The following MANBAL variants were observed in gnomAD, a reference collection of about 807,000 sequenced individuals.
MANBAL encodes protein MANBAL.
Under a neutral mutation model 6.4 loss-of-function variants are expected in MANBAL, and 1 was observed. The observed-to-expected ratio is 0.16, with a 90% CI of 0.06 to 0.74. The LOEUF (loss-of-function observed/expected upper bound fraction) is 0.74. Among genes scored for constraint, MANBAL ranks in the 30% least tolerant of loss-of-function variants. The probability of loss-of-function intolerance (pLI) is 0.78; values close to 1 mark genes in which losing one functional copy is unlikely to be tolerated. For missense variants in MANBAL, 100 were observed against 107.8 expected (o/e 0.93, Z 0.32); for synonymous variants, 47 against 45.8 (o/e 1.03, Z -0.10).
intron 2 of MANBAL, among the ~76,000 whole-genome samples, chr20:37,306,509 A>T (rs1240104734): frequency 6.6e-6 from 1 of 152,240 alleles, no homozygotes; most frequent in Non-Finnish European, 1.5e-5. Flanking sequence ...CTAGAATCGT[A>T]AGCCAAATGA....
chr20:37,294,417 C>G (rs2068946117), intron 1 of MANBAL, among the ~76,000 whole-genome samples: 1 of 152,248 alleles, frequency 6.6e-6, no homozygotes, highest in Non-Finnish European at 1.5e-5. Context: ...GTCAACAAAG[C>G]AGCCAGAGGG....
intron 1 of MANBAL, among the ~76,000 whole-genome samples, chr20:37,300,968 C>A (rs553605255): frequency 7.2e-5 from 11 of 151,862 alleles, no homozygotes; most frequent in Admixed American, 4.6e-4. Context: ...CGTGGTGAAA[C>A]CCTGTCTCTA....
chr20:37,301,198 CA>C lies in MANBAL; in HGVS notation c.-56-9del. The stretch of plus-strand genomic sequence containing the variant: ...ACAGAAATATGACACTGACCCTTTG[CA>C]TTTACAAGTTGGTTCTAAAGAGTGG... On this transcript the variant is annotated splice_polypyrimidine_tract_variant and intron_variant, in intron 1 of 2. Transcript: ENST00000373606. The C allele has an allele frequency of 7.2e-7, 1 of 1,393,868 alleles. No individual in the cohort carries two copies. Among genetic ancestry groups the C allele is most frequent in the Non-Finnish European group, 9.5e-7 (1 of 1,054,214 alleles). 86.3% of individuals were successfully genotyped at this position (1,393,868 alleles called of 1,614,324 possible). A position where few individuals can be genotyped will look rare whatever the true frequency, so the allele number is the denominator to read the frequency against.
rs530034828 is a variant in MANBAL at position 37,315,500 on chromosome 20, C to A, written c.151-808C>A. 2.6e-5 allele frequency among the ~76,000 whole-genome samples: 4 copies of A among 152,364 alleles called. No homozygotes were observed. The East Asian group carries it at 7.7e-4, about 29-fold the overall frequency. On this transcript the variant is annotated intron_variant, in intron 2 of 2. Coordinates refer to ENST00000373606, the MANE Select transcript of MANBAL (RefSeq NM_001003897.2). ...CCCTGGAGTCTCCCTTCCTTATCAG[C>A]ACAATGAACGCCAGGGCTAGATCTG...
intron 2 of MANBAL, among the ~76,000 whole-genome samples, chr20:37,312,364 T>C (rs914966506): frequency 6.6e-6 from 1 of 151,858 alleles, no homozygotes; most frequent in Non-Finnish European, 1.5e-5. Context: ...AAGTAGAGAG[T>C]AGATTTCATA....
intron 2 of MANBAL, among the ~76,000 whole-genome samples, chr20:37,301,851 C>T (rs545821507): frequency 6.6e-6 from 1 of 152,306 alleles, no homozygotes; most frequent in East Asian, 1.9e-4. Flanking sequence ...CAGGCTTCTG[C>T]CAGGTGAAAG....
In MANBAL at chr20:37,316,596, T is replaced by C; in HGVS notation, c.*181T>C. ...AGGCTCCAGCTGGGCAATCCACCAC[T>C]TCCTCTTCCTTCTGCTTCTGTGACG... On this transcript the variant is annotated 3_prime_UTR_variant, in exon 3 of 3. Transcript: ENST00000373606. 1 of 504,024 alleles carries C rather than the reference T, an allele frequency of 2.0e-6. No homozygotes were observed. Among genetic ancestry groups the C allele is most frequent in the Non-Finnish European group, 3.6e-6 (1 of 276,332 alleles). The allele number at this position is 504,024 out of a possible 1,614,324, so 31.2% of individuals were successfully genotyped here. A position where few individuals can be genotyped will look rare whatever the true frequency, so the allele number is the denominator to read the frequency against.
chr20:37,301,620 G>A (rs930534153), intron 2 of MANBAL, among the ~76,000 whole-genome samples: 6 of 152,188 alleles, frequency 3.9e-5, no homozygotes, highest in African/African-American at 7.2e-5. Flanking sequence ...TTTATTTAGT[G>A]CCTACTACAT....
intron 2 of MANBAL, among the ~76,000 whole-genome samples, chr20:37,305,464 T>TA (rs1600910918): frequency 6.6e-6 from 1 of 152,188 alleles, no homozygotes; most frequent in Admixed American, 6.5e-5. Context: ...GATAGTGCGT[T>TA]AAAGTCTTTT....
chr20:37,300,321 CAG>C (rs2069105040), intron 1 of MANBAL, among the ~76,000 whole-genome samples: 2 of 152,200 alleles, frequency 1.3e-5, no homozygotes, highest in Non-Finnish European at 2.9e-5. Context: ...GTGTTTCCCT[CAG>C]ATACACAAAT....
chr20:37,290,582 C>T (rs1260147922), intron 1 of MANBAL, among the ~76,000 whole-genome samples: 5 of 152,096 alleles, frequency 3.3e-5, no homozygotes, highest in Non-Finnish European at 5.9e-5. Flanking sequence ...CCTCAGCTTT[C>T]CGAATAGCTG....
chr20:37,301,193 C>G lies in MANBAL; in HGVS notation c.-56-15C>G, dbSNP rs1187418680. 9.5e-6 allele frequency: 13 copies of G among 1,365,250 alleles called. No individual in the cohort carries two copies. Among genetic ancestry groups the G allele is most frequent in the Non-Finnish European group, 1.3e-5 (13 of 1,032,188 alleles). 84.6% of individuals were successfully genotyped at this position (1,365,250 alleles called of 1,614,324 possible). A position where few individuals can be genotyped will look rare whatever the true frequency, so the allele number is the denominator to read the frequency against. On this transcript the variant is annotated splice_polypyrimidine_tract_variant and intron_variant, in intron 1 of 2. Transcript: ENST00000373606. ...CAGTTACAGAAATATGACACTGACCCTTTGCATTTACAAGTTGGTTCTAAA... is the reference window on the plus strand; with the variant it reads ...CAGTTACAGAAATATGACACTGACCGTTTGCATTTACAAGTTGGTTCTAAA...
rs949156917 is a variant in MANBAL, at chr20:37,317,072, T to C, written c.*657T>C. 2.6e-5 allele frequency: 4 copies of C among 152,656 alleles called. No homozygotes were observed. Among genetic ancestry groups the C allele is most frequent in the African/African-American group, 9.7e-5 (4 of 41,450 alleles). The allele number at this position is 152,656 out of a possible 1,614,324, so 9.5% of individuals were successfully genotyped here. On this transcript the variant is annotated 3_prime_UTR_variant, in exon 3 of 3. Transcript: ENST00000373606. ...CGTGCATATTTCCTGGGCACAAACT[T>C]CCTGAGCCTCTGAAATGGGAGGCTC...
chr20:37,308,732 T>C (rs1443643725), intron 2 of MANBAL, among the ~76,000 whole-genome samples: 1 of 151,726 alleles, frequency 6.6e-6, no homozygotes, highest in East Asian at 1.9e-4. Flanking sequence ...CCTCCAAGCC[T>C]CTTCCGGATC....
chr20:37,303,936 A>G (rs749899657), intron 2 of MANBAL, among the ~76,000 whole-genome samples: 21 of 152,192 alleles, frequency 1.4e-4, no homozygotes, highest in Non-Finnish European at 2.4e-4. Flanking sequence ...CACTCTTATC[A>G]TTTCTGGGAA....
intron 2 of MANBAL, among the ~76,000 whole-genome samples, chr20:37,306,445 C>A (rs765022509): frequency 6.6e-6 from 1 of 152,166 alleles, no homozygotes; most frequent in African/African-American, 2.4e-5. Context: ...ACCCCACCCC[C>A]TTCCTTTTCA....
chr20:37,312,924 G>A (rs958142320), intron 2 of MANBAL, among the ~76,000 whole-genome samples: 3 of 152,224 alleles, frequency 2.0e-5, no homozygotes, highest in African/African-American at 7.2e-5. Context: ...CTGGTTTTAA[G>A]TGCTGTATTT....
intron 2 of MANBAL, among the ~76,000 whole-genome samples, chr20:37,308,601 A>T (rs140711967): frequency 2.6e-5 from 4 of 152,068 alleles, no homozygotes; most frequent in Non-Finnish European, 4.4e-5. Flanking sequence ...GAGGTTTTAT[A>T]TGCCTAGGCA....
Position 37,301,350 on chromosome 20 carries a change from A to G in MANBAL, c.87A>G (p.Gly29=). 6.2e-7 allele frequency: 1 copy of G among 1,613,780 alleles called. No individual in the cohort carries two copies. The highest frequency in any genetic ancestry group is 1.3e-5 in the African/African-American group (1 of 74,956). Reference sequence around the variant, plus strand: ...TGCTACGGTACGGACTCTTCCTGGGAGCCATCTTCCAGCTCATCTGTGTGC... The same window carrying G: ...TGCTACGGTACGGACTCTTCCTGGGGGCCATCTTCCAGCTCATCTGTGTGC... ...ENLLRYGLFL[G]AIFQLICVLA... Residue 29 remains glycine (G), a synonymous_variant, in exon 2 of 3, where the codon GGA becomes GGG. Coordinates refer to ENST00000373606, the MANE Select transcript of MANBAL (RefSeq NM_001003897.2).
Sources: allele counts gnomAD v4.1 joint callset (sites outside exome capture counted in the v4.1 genomes callset), GRCh38; gene constraint gnomAD v4.1.1; transcripts MANE v1.5; gene names NCBI Gene and HGNC (gene_info 2026-07-23, HGNC 2026-07-21).